Variants in TMEM19 observed in about 807,000 individuals in gnomAD.
The protein encoded by TMEM19 is transmembrane protein 19.
Under a neutral mutation model 33.6 loss-of-function variants are expected in TMEM19, and 21 were observed. That is an observed-to-expected ratio of 0.62 (90% CI 0.44 to 0.90). The LOEUF (loss-of-function observed/expected upper bound fraction) is 0.90, where lower values mean the gene tolerates loss of function less well. Ranked by LOEUF, TMEM19 falls within the 40% of genes least tolerant of loss-of-function variation. The pLI is 0.00. For missense variants in TMEM19, 402 were observed against 401.8 expected (o/e 1.00, Z 0.00); for synonymous variants, 149 against 147.5 (o/e 1.01, Z -0.07).
At position 71,697,394 on chromosome 12, in the gene TMEM19, A is replaced by G. The variant is rs141897885; in HGVS notation, c.497A>G (p.Gln166Arg). Residue 166 changes from glutamine (Q) to arginine (R), a missense_variant, in exon 4 of 6, where the codon CAG (glutamine) becomes CGG (arginine). Transcript: ENST00000266673. ...PGEIPVDFSK[Q>R]YSASWMCLSL... Reference sequence around the variant, plus strand: ...GAAATCCCAGTCGATTTTTCCAAGCAGTACTCCGCTTCCTGGATGTGTTTG... The same window carrying G: ...GAAATCCCAGTCGATTTTTCCAAGCGGTACTCCGCTTCCTGGATGTGTTTG... The G allele has an allele frequency of 6.2e-6, 10 of 1,610,894 alleles. No homozygotes were observed. The highest frequency in any genetic ancestry group is 8.5e-6 in the Non-Finnish European group (10 of 1,178,716).
chr12:71,696,906 C>G (rs1881883106), intron 3 of TMEM19, among the ~76,000 whole-genome samples: 1 of 152,146 alleles, frequency 6.6e-6, no homozygotes, highest in Non-Finnish European at 1.5e-5. Flanking sequence ...CTCGGCCTCC[C>G]AAAGTGCTGG....
At chr12:71,700,257 T>A (rs1423186276) in intron 5 of TMEM19, among the ~76,000 whole-genome samples, 3 of 152,176 alleles carry the variant, frequency 2.0e-5, no homozygotes, top group African/African-American at 7.2e-5. Context: ...GTGTAGGTTT[T>A]ATTCTAAATT....
intron 3 of TMEM19, 135 bp from the exon 4 acceptor site, chr12:71,697,145 A>G (rs868585444): frequency 5.4e-5 from 68 of 1,248,034 alleles, no homozygotes; most frequent in Middle Eastern, 5.7e-4. Context: ...CAAATGTACC[A>G]TAACACTTTT....
Position 71,698,843 on chromosome 12 carries a change from G to C in TMEM19, c.638-57G>C. ...ATTAGATAGGTACCTTGCTGTCCTT[G>C]CCTTTATGTGTTTGCTGATTATTAA... On this transcript the variant is annotated intron_variant, in intron 4 of 5. Transcript: ENST00000266673. The C allele has an allele frequency of 4.0e-6, 6 of 1,518,982 alleles. No homozygotes were observed. In the Admixed American group the frequency reaches 8.4e-5, roughly 21 times the overall value. The allele number at this position is 1,518,982 out of a possible 1,614,324, so 94.1% of individuals were successfully genotyped here. A position where few individuals can be genotyped will look rare whatever the true frequency, so the allele number is the denominator to read the frequency against.
chr12:71,695,537 A>G (rs1314260568), intron 2 of TMEM19, among the ~76,000 whole-genome samples: 2 of 152,240 alleles, frequency 1.3e-5, no homozygotes, highest in African/African-American at 4.8e-5. Context: ...AAAAACTTAA[A>G]GGTTGGATAA....
In TMEM19 at chr12:71,703,890, T is replaced by G. The variant is rs1882028087; in HGVS notation, c.*2895T>G. 4.0e-6 allele frequency: 1 copy of G among 248,318 alleles called. No individual in the cohort carries two copies. Among genetic ancestry groups the G allele is most frequent in the Non-Finnish European group, 8.6e-6 (1 of 116,458 alleles). 15.4% of individuals were successfully genotyped at this position (248,318 alleles called of 1,614,324 possible). ...AAATTGTGTCTCTGTCCTTTTTTTT[T>G]TTTTTTGTTAAGTCTTACATGTATT... On this transcript the variant is annotated 3_prime_UTR_variant, in exon 6 of 6. Coordinates refer to ENST00000266673, the MANE Select transcript of TMEM19 (RefSeq NM_018279.4).
Position 71,700,872 on chromosome 12 carries a change from A to G in TMEM19, c.888A>G (p.Thr296=). Residue 296 remains threonine, a synonymous_variant, in exon 6 of 6, where the codon ACA becomes ACG. Coordinates refer to ENST00000266673, the MANE Select transcript of TMEM19 (RefSeq NM_018279.4). ...CTGGCATGGTGGTCAACAGCCCAAC[A>G]AATAAGGCAAGGCACATAGCAGGGA... ...ESTGMVVNSP[T]NKARHIAGKP... is the part of the protein sequence containing the mutation. 4 of 1,612,072 alleles carry G rather than the reference A, an allele frequency of 2.5e-6. No individual in the cohort carries two copies. In the Admixed American group the frequency reaches 5.0e-5, roughly 20 times the overall value.
In TMEM19 at chr12:71,704,338, A is replaced by T. The variant is rs1880893; in HGVS notation, c.*3343A>T. 0.2 allele frequency: 31,161 copies of T among 158,556 alleles called. 3,446 individuals are homozygous for T. Among genetic ancestry groups the T allele is most frequent in the East Asian group, 0.39 (2,219 of 5,730 alleles). The allele number at this position is 158,556 out of a possible 1,614,324, so 9.8% of individuals were successfully genotyped here. Reference sequence around the variant, plus strand: ...CAGCCCCGCCCCAATTAGATAAAGGACTAGTATAGAGAAAAAGCATGTGAA... The same window carrying T: ...CAGCCCCGCCCCAATTAGATAAAGGTCTAGTATAGAGAAAAAGCATGTGAA... On this transcript the variant is annotated 3_prime_UTR_variant, in exon 6 of 6. Coordinates refer to ENST00000266673, the MANE Select transcript of TMEM19 (RefSeq NM_018279.4).
At chr12:71,696,715 C>T (rs576307424) in intron 3 of TMEM19, 142 bp downstream of exon 3, 231 of 669,864 alleles carry the variant, frequency 3.4e-4, no homozygotes, top group Middle Eastern at 4.7e-4. Context: ...GGCGCAATCT[C>T]GGCTCGCTGT....
rs1881999946 is a variant in TMEM19 at position 71,702,677 on chromosome 12, C to T, written c.*1682C>T. 1 of 152,184 alleles carries T rather than the reference C, an allele frequency of 6.6e-6. No homozygotes were observed. The highest frequency in any genetic ancestry group is 2.1e-4 in the South Asian group (1 of 4,830). The allele number at this position is 152,184 out of a possible 1,614,324, so 9.4% of individuals were successfully genotyped here. ...TTCACACTGCAAAATTCTGATTTAT[C>T]TGATCTAAGGTACAGCCTGGATATT... On this transcript the variant is annotated 3_prime_UTR_variant, in exon 6 of 6. Coordinates refer to ENST00000266673, the MANE Select transcript of TMEM19 (RefSeq NM_018279.4).
chr12:71,696,480 T>G lies in TMEM19; in HGVS notation c.289T>G (p.Phe97Val). The G allele has an allele frequency of 1.9e-6, 3 of 1,612,852 alleles. No individual in the cohort carries two copies. Among genetic ancestry groups the G allele is most frequent in the South Asian group, 2.2e-5 (2 of 90,900 alleles). ...CCTAACCATTGCAAATTTCAGCTTT[T>G]TTACCTCTTTGCTGATGTTTTTCTT... ...FILTIANFSF[F>V]TSLLMFFLSS... is the part of the protein sequence containing the mutation. The change falls in exon 3 of 6, where the codon TTT (phenylalanine) becomes GTT (valine). Residue 97 changes from phenylalanine to valine, a missense_variant. Physicochemically the swap from Phe to Val is conservative, Grantham distance 50. Transcript: ENST00000266673.
chr12:71,696,716 G>C (rs878980811), intron 3 of TMEM19, 143 bp downstream of exon 3: 1 of 668,188 alleles, frequency 1.5e-6, no homozygotes, highest in Non-Finnish European at 2.3e-6. Context: ...GCGCAATCTC[G>C]GCTCGCTGTA....
chr12:71,704,331 A>G lies in TMEM19; in HGVS notation c.*3336A>G, dbSNP rs1882035977. The G allele has an allele frequency of 6.2e-6, 1 of 160,680 alleles. No individual in the cohort carries two copies. The highest frequency in any genetic ancestry group is 2.4e-5 in the African/African-American group (1 of 41,692). The allele number at this position is 160,680 out of a possible 1,614,324, so 10.0% of individuals were successfully genotyped here. On this transcript the variant is annotated 3_prime_UTR_variant, in exon 6 of 6. Coordinates refer to ENST00000266673, the MANE Select transcript of TMEM19 (RefSeq NM_018279.4). Reference sequence around the variant, plus strand: ...GAAATAGCAGCCCCGCCCCAATTAGATAAAGGACTAGTATAGAGAAAAAGC... The same window carrying G: ...GAAATAGCAGCCCCGCCCCAATTAGGTAAAGGACTAGTATAGAGAAAAAGC...
chr12:71,700,094 G>A (rs772847197), intron 5 of TMEM19, among the ~76,000 whole-genome samples: 4 of 152,068 alleles, frequency 2.6e-5, no homozygotes, highest in Admixed American at 2.0e-4. Flanking sequence ...AAATCTATGT[G>A]CCCTTCCTCC....
At chr12:71,699,851 A>G (rs540332942) in intron 5 of TMEM19, 1 of 152,274 alleles carries the variant, frequency 6.6e-6, no homozygotes, top group African/African-American at 2.4e-5. Context: ...CTCCATCTCA[A>G]AAAAAAAGAA....
intron 2 of TMEM19, chr12:71,690,400 G>C (rs1250148096): frequency 6.6e-6 from 1 of 152,208 alleles, no homozygotes; most frequent in African/African-American, 2.4e-5. Context: ...GTGATCACCT[G>C]CCTGGGCCTC....
chr12:71,695,104 G>A (rs1372879541), intron 2 of TMEM19, among the ~76,000 whole-genome samples: 3 of 152,146 alleles, frequency 2.0e-5, no homozygotes, highest in Admixed American at 6.6e-5. Flanking sequence ...AGGATGGAGA[G>A]GTAGAAAAGG....
At chr12:71,691,736 C>G (rs1175693352) in intron 2 of TMEM19, among the ~76,000 whole-genome samples, 1 of 131,568 alleles carries the variant, frequency 7.6e-6, no homozygotes, top group African/African-American at 2.8e-5. Context: ...TACCCTGTGT[C>G]AAAAAGAAAA....
In TMEM19 at chr12:71,699,213, G is replaced by T. The variant is rs187888834; in HGVS notation, c.847+104G>T. 7 of 1,235,280 alleles carry T rather than the reference G, an allele frequency of 5.7e-6. No individual in the cohort carries two copies. In the Admixed American group the frequency reaches 8.0e-5, roughly 14 times the overall value. 76.5% of individuals were successfully genotyped at this position (1,235,280 alleles called of 1,614,324 possible). A position where few individuals can be genotyped will look rare whatever the true frequency, so the allele number is the denominator to read the frequency against. Reference sequence around the variant, plus strand: ...GAAAACAAATCCAAAGACACAGGGTGTTGAGGGACTAGAAATGATAGGGCA... The same window carrying T: ...GAAAACAAATCCAAAGACACAGGGTTTTGAGGGACTAGAAATGATAGGGCA... On this transcript the variant is annotated intron_variant, in intron 5 of 5. Transcript: ENST00000266673.
Sources: allele counts gnomAD v4.1 joint callset (sites outside exome capture counted in the v4.1 genomes callset), GRCh38; gene constraint gnomAD v4.1.1; transcripts MANE v1.5; gene names NCBI Gene and HGNC (gene_info 2026-07-23, HGNC 2026-07-21).